Variants in EPHA3 observed in about 807,000 individuals in gnomAD.
EPHA3 encodes ephrin type-A receptor 3.
EPHA3 carries 42 observed loss-of-function variants against 107.1 expected under a neutral mutation model. The ratio of observed to expected loss-of-function variants is 0.39; its 90% CI spans 0.31 to 0.51. The LOEUF is 0.51. Ranked by LOEUF, EPHA3 falls within the 20% of genes least tolerant of loss-of-function variation. The pLI is 0.78. For missense variants in EPHA3, 1,183 were observed against 1,211.2 expected (o/e 0.98, Z 0.35); for synonymous variants, 461 against 424.8 (o/e 1.09, Z -1.05).
At chr3:89,328,274 G>A (rs1001137200) in intron 3 of EPHA3, among the ~76,000 whole-genome samples, 11 of 152,106 alleles carry the variant, frequency 7.2e-5, no homozygotes, top group African/African-American at 2.2e-4. Flanking sequence ...GTAGTAGACA[G>A]TCCATTACAT....
chr3:89,306,372 T>C (rs189759021), intron 3 of EPHA3, among the ~76,000 whole-genome samples: 35 of 152,240 alleles, frequency 2.3e-4, no homozygotes, highest in Non-Finnish European at 4.7e-4. Context: ...ACAAGATAAT[T>C]AACTCTATTG....
At chr3:89,455,682 T>C (rs1028081122) in intron 15 of EPHA3, among the ~76,000 whole-genome samples, 1 of 152,186 alleles carries the variant, frequency 6.6e-6, no homozygotes, top group Admixed American at 6.5e-5. Context: ...CTACTTCTAG[T>C]TCCTTCAGAA....
At chr3:89,257,145 T>A (rs1037674789) in intron 3 of EPHA3, among the ~76,000 whole-genome samples, 1 of 152,176 alleles carries the variant, frequency 6.6e-6, no homozygotes, top group African/African-American at 2.4e-5. Context: ...GAACTATCGA[T>A]CCTTCTCTTA....
chr3:89,392,607 T>C (rs1245072419), intron 5 of EPHA3, among the ~76,000 whole-genome samples: 1 of 152,156 alleles, frequency 6.6e-6, no homozygotes, highest in African/African-American at 2.4e-5. Context: ...TTTTTCCATT[T>C]TGTTTAACCA....
chr3:89,412,883 A>G (rs1278163079), intron 9 of EPHA3, among the ~76,000 whole-genome samples: 1 of 151,556 alleles, frequency 6.6e-6, no homozygotes, highest in African/African-American at 2.4e-5. Flanking sequence ...TTGAGTATGC[A>G]TTTTCCTTCT....
chr3:89,282,246 A>G (rs573166483), intron 3 of EPHA3, among the ~76,000 whole-genome samples: 1 of 152,264 alleles, frequency 6.6e-6, no homozygotes, highest in African/African-American at 2.4e-5. Flanking sequence ...ATGCTATAAT[A>G]ATCTACTTTC....
intron 2 of EPHA3, among the ~76,000 whole-genome samples, chr3:89,150,950 C>T (rs1301741833): frequency 2.0e-5 from 3 of 152,002 alleles, no homozygotes; most frequent in African/African-American, 7.2e-5. Context: ...GCACTCCAGC[C>T]TGGGTGACAG....
intron 2 of EPHA3, among the ~76,000 whole-genome samples, chr3:89,199,898 G>A (rs1042890945): frequency 2.0e-5 from 3 of 152,120 alleles, no homozygotes; most frequent in Non-Finnish European, 4.4e-5. Flanking sequence ...TTGGCACATT[G>A]CATGCCATTT....
intron 13 of EPHA3, among the ~76,000 whole-genome samples, chr3:89,446,869 C>T (rs1278505046): frequency 6.6e-6 from 1 of 152,012 alleles, no homozygotes; most frequent in Non-Finnish European, 1.5e-5. Flanking sequence ...GTAGCAAAGG[C>T]AGTTAGAAAA....
intron 2 of EPHA3, among the ~76,000 whole-genome samples, chr3:89,187,085 A>G (rs569444903): frequency 6.6e-6 from 1 of 151,712 alleles, no homozygotes; most frequent in Admixed American, 6.6e-5. Flanking sequence ...TTATATGTAG[A>G]ATTTACTCTT....
At chr3:89,439,756 T>A (rs202102528) in intron 13 of EPHA3, among the ~76,000 whole-genome samples, 3 of 142,894 alleles carry the variant, frequency 2.1e-5, no homozygotes, top group African/African-American at 7.7e-5. Flanking sequence ...CACACACACA[T>A]ATATATATGT....
intron 5 of EPHA3, among the ~76,000 whole-genome samples, chr3:89,364,406 C>A (rs1468255175): frequency 6.6e-6 from 1 of 151,040 alleles, no homozygotes; most frequent in Non-Finnish European, 1.5e-5. Flanking sequence ...GTAGCACATG[C>A]ATTTTTAAAT....
At chr3:89,445,852 G>A (rs1709867811) in intron 13 of EPHA3, among the ~76,000 whole-genome samples, 1 of 152,082 alleles carries the variant, frequency 6.6e-6, no homozygotes, top group South Asian at 2.1e-4. Flanking sequence ...CTTTTCCAAG[G>A]TACCACAGTG....
At chr3:89,228,668 C>G (rs1704555733) in intron 3 of EPHA3, among the ~76,000 whole-genome samples, 1 of 151,740 alleles carries the variant, frequency 6.6e-6, no homozygotes, top group Admixed American at 6.6e-5. Flanking sequence ...GATGTAACAC[C>G]TATGAAAAAT....
At chr3:89,453,265 T>C (rs983324790) in intron 15 of EPHA3, among the ~76,000 whole-genome samples, 3 of 151,556 alleles carry the variant, frequency 2.0e-5, no homozygotes, top group Admixed American at 6.6e-5. Flanking sequence ...TTTTCAAAGC[T>C]AACTCATGTA....
intron 1 of EPHA3, among the ~76,000 whole-genome samples, chr3:89,118,564 C>G (rs1396836617): frequency 2.6e-5 from 4 of 151,668 alleles, no homozygotes; most frequent in African/African-American, 9.7e-5. Context: ...GTTTACTACC[C>G]TAACCCTATT....
intron 2 of EPHA3, among the ~76,000 whole-genome samples, chr3:89,175,550 T>C (rs1330747077): frequency 1.3e-5 from 2 of 152,126 alleles, no homozygotes; most frequent in African/African-American, 4.8e-5. Context: ...GTTGAGTTAT[T>C]AACTTCAAAA....
intron 3 of EPHA3, among the ~76,000 whole-genome samples, chr3:89,335,346 T>G (rs957886788): frequency 2.0e-5 from 3 of 152,096 alleles, no homozygotes; most frequent in African/African-American, 4.8e-5. Flanking sequence ...GGCACTAATC[T>G]CATTCATGAG....
intron 2 of EPHA3, among the ~76,000 whole-genome samples, chr3:89,147,236 G>T (rs758915027): frequency 3.3e-5 from 5 of 151,624 alleles, no homozygotes; most frequent in African/African-American, 1.2e-4. Flanking sequence ...TAATGCATGC[G>T]GGGCTTAAAA....
Sources: gnomAD v4.1 joint callset for allele counts (sites outside exome capture counted in the v4.1 genomes callset) on GRCh38, gnomAD v4.1.1 for gene constraint, MANE v1.5 for transcripts, NCBI Gene and HGNC (gene_info 2026-07-23, HGNC 2026-07-21) for gene names.